GLIS1: variants seen among roughly 807,000 people sequenced by gnomAD.
GLIS1 encodes the protein GLIS family zinc finger 1, also known as zinc finger protein GLIS1.
GLIS1 carries 24 observed loss-of-function variants against 63.8 expected under a neutral mutation model. That is an observed-to-expected ratio of 0.38 (90% CI 0.27 to 0.53). The LOEUF (loss-of-function observed/expected upper bound fraction) is 0.53. GLIS1 is among the 20% of genes least tolerant of loss of function. The pLI is 0.85. For missense variants in GLIS1, 1,036 were observed against 1,074.1 expected, an observed-to-expected ratio of 0.96 and a Z score of 0.50; for synonymous variants, 450 against 482.5, an observed-to-expected ratio of 0.93 and a Z score of 0.88.
At chr1:53,585,047 A>C (rs1306049290) in intron 4 of GLIS1, among the ~76,000 whole-genome samples, 1 of 152,162 alleles carries the variant, frequency 6.6e-6, no homozygotes, top group Non-Finnish European at 1.5e-5. Flanking sequence ...TTTTTCCTTT[A>C]TTAGTTTAAA....
chr1:53,671,629 A>C (rs961537859), intron 2 of GLIS1, among the ~76,000 whole-genome samples: 7 of 152,276 alleles, frequency 4.6e-5, no homozygotes, highest in Non-Finnish European at 1.0e-4. Context: ...CACTAGAGGT[A>C]TTCAGGGACA....
At position 53,514,731 on chromosome 1, in the gene GLIS1, G is replaced by A. The variant is rs770453851; in HGVS notation, c.1777C>T (p.Leu593=). 10 of 1,612,028 alleles carry A rather than the reference G, an allele frequency of 6.2e-6. No homozygotes were observed. The Admixed American group carries it at 1.5e-4, about 24-fold the overall frequency. The change falls in exon 8 of 11, where the codon CTG becomes TTG. Residue 593 remains leucine, a synonymous_variant. Coordinates refer to ENST00000628545, the MANE Select transcript of GLIS1 (RefSeq NM_001367484.1). The stretch of plus-strand genomic sequence containing the variant: ...GAAGGTACGTCGTGCGCTGGGGGCA[G>A]GAGGCCCGATGCAAGTCCGTTATGG... ...TPHNGLASGL[L]PPAHDVPSRH... is the part of the protein sequence containing the mutation.
Position 53,609,266 on chromosome 1 carries a change from C to CTTTTTTTTTTTTTTT in GLIS1, c.260-9003_260-8989dup, listed in dbSNP as rs1221426769. Among the ~76,000 whole-genome samples, 3 of 81,378 alleles carry CTTTTTTTTTTTTTTT rather than the reference C, an allele frequency of 3.7e-5. 1 individual carries two copies. The highest frequency in any genetic ancestry group is 2.1e-5 in the Non-Finnish European group (1 of 47,566). The allele number at this position is 81,378 out of a possible 152,430, so 53.4% of individuals were successfully genotyped here. ...TATATTTGGGTATTTGGGTTTAAAT[C>CTTTTTTTTTTTTTTT]TTTTTTTTTTTTTTTTTTTTTTTTT... On this transcript the variant is annotated intron_variant, in intron 2 of 10. Transcript: ENST00000628545.
chr1:53,593,430 CGTGTGTGTGCACGCGTGCATGCAT>C (rs890792787), intron 4 of GLIS1, among the ~76,000 whole-genome samples: 5 of 152,222 alleles, frequency 3.3e-5, no homozygotes, highest in Admixed American at 1.3e-4. Flanking sequence ...TTAATATGCG[CGTGTGTGTGCACGCGTGCATGCAT>C]GTGTGTGTGC....
Position 53,739,140 on chromosome 1 carries a change from C to T in GLIS1, c.-78G>A, listed in dbSNP as rs1395833326. 1.3e-5 allele frequency among the ~76,000 whole-genome samples: 2 copies of T among 148,296 alleles called. No homozygotes were observed. Among genetic ancestry groups the T allele is most frequent in the South Asian group, 4.2e-4 (2 of 4,714 alleles). ...CAGCTGCAGATCGCTGGGCGCCCGG[C>T]TCGGCGCGCCTCCACTGGCGCAGCA... On this transcript the variant is annotated 5_prime_UTR_variant, in exon 1 of 11. Transcript: ENST00000628545.
At chr1:53,726,248 C>A (rs1189267680) in intron 2 of GLIS1, among the ~76,000 whole-genome samples, 1 of 151,980 alleles carries the variant, frequency 6.6e-6, no homozygotes, top group African/African-American at 2.4e-5. Flanking sequence ...GCGGGTAGGT[C>A]GGCAGCTAAC....
At chr1:53,721,617 G>A (rs964753063) in intron 2 of GLIS1, among the ~76,000 whole-genome samples, 6 of 152,332 alleles carry the variant, frequency 3.9e-5, no homozygotes, top group East Asian at 3.9e-4. Flanking sequence ...TCTGGAGTGC[G>A]ACAGAGGAGG....
chr1:53,582,014 C>A (rs1254956659), intron 4 of GLIS1, among the ~76,000 whole-genome samples: 1 of 152,152 alleles, frequency 6.6e-6, no homozygotes, highest in Non-Finnish European at 1.5e-5. Context: ...ATGACTTGCC[C>A]AGAACCACAG....
At chr1:53,608,953 G>A (rs375869629) in intron 2 of GLIS1, among the ~76,000 whole-genome samples, 1 of 152,306 alleles carries the variant, frequency 6.6e-6, no homozygotes, top group African/African-American at 2.4e-5. Flanking sequence ...AAGCCATCCT[G>A]TTCCCCTAAG....
chr1:53,586,822 C>G (rs145176754), intron 4 of GLIS1, among the ~76,000 whole-genome samples: 1 of 152,324 alleles, frequency 6.6e-6, no homozygotes, highest in African/African-American at 2.4e-5. Context: ...CGGGCAACCT[C>G]ACACAGCCTT....
At chr1:53,580,148 C>T (rs556040080) in intron 4 of GLIS1, among the ~76,000 whole-genome samples, 4 of 152,250 alleles carry the variant, frequency 2.6e-5, no homozygotes, top group African/African-American at 9.6e-5. Context: ...GAACCCCATG[C>T]CACCTCTTAC....
chr1:53,607,952 GTC>G (rs1352863963), intron 2 of GLIS1, among the ~76,000 whole-genome samples: 1 of 127,686 alleles, frequency 7.8e-6, no homozygotes, highest in Non-Finnish European at 1.6e-5. Context: ...GCTCTCTGAT[GTC>G]TCTCTTTTTT....
At chr1:53,545,815 G>A (rs559053257) in intron 4 of GLIS1, among the ~76,000 whole-genome samples, 2 of 152,338 alleles carry the variant, frequency 1.3e-5, no homozygotes, top group East Asian at 3.9e-4. Context: ...CTTGCCTAGT[G>A]CTACGTGTGC....
At chr1:53,517,373 C>G (rs1183869720) in intron 7 of GLIS1, among the ~76,000 whole-genome samples, 1 of 152,224 alleles carries the variant, frequency 6.6e-6, no homozygotes, top group Non-Finnish European at 1.5e-5. Context: ...ACCTCCCCAG[C>G]TTGGGGGAAG....
rs1352644093 is a variant in GLIS1 at position 53,539,777 on chromosome 1, G to A, written c.1321-9825C>T. ...GAAACTGGCCACCTGGAACATGGATGTGCGTGTGGGGTTCACTGAGGGGCT... is the reference window on the plus strand; with the variant it reads ...GAAACTGGCCACCTGGAACATGGATATGCGTGTGGGGTTCACTGAGGGGCT... On this transcript the variant is annotated intron_variant, in intron 4 of 10. Coordinates refer to ENST00000628545, the MANE Select transcript of GLIS1 (RefSeq NM_001367484.1). The surrounding 1 kb of genome is among the most constrained non-coding windows in gnomAD (Gnocchi z 5.0). 6.6e-6 allele frequency among the ~76,000 whole-genome samples: 1 copy of A among 152,164 alleles called. No individual in the cohort carries two copies. The highest frequency in any genetic ancestry group is 1.5e-5 in the Non-Finnish European group (1 of 68,040).
At chr1:53,562,256 G>A (rs1189695433) in intron 4 of GLIS1, among the ~76,000 whole-genome samples, 1 of 152,158 alleles carries the variant, frequency 6.6e-6, no homozygotes, top group East Asian at 1.9e-4. Context: ...CTACAGATGA[G>A]GTTCCTGCAC....
At chr1:53,668,990 T>C (rs2100389251) in intron 2 of GLIS1, among the ~76,000 whole-genome samples, 1 of 152,276 alleles carries the variant, frequency 6.6e-6, no homozygotes, top group South Asian at 2.1e-4. Flanking sequence ...TTCATACCCA[T>C]TGTCCCCTTT....
chr1:53,633,151 T>A (rs1243222967), intron 2 of GLIS1, among the ~76,000 whole-genome samples: 4 of 141,122 alleles, frequency 2.8e-5, no homozygotes, highest in South Asian at 2.3e-4. Flanking sequence ...CTGAGGGGCG[T>A]GTGTATGAGT....
At chr1:53,584,770 A>C (rs1645118857) in intron 4 of GLIS1, among the ~76,000 whole-genome samples, 1 of 152,196 alleles carries the variant, frequency 6.6e-6, no homozygotes, top group Non-Finnish European at 1.5e-5. Flanking sequence ...TACCTGGCCC[A>C]TCCCCCATTT....
Sources: gnomAD v4.1 joint callset for allele counts (sites outside exome capture counted in the v4.1 genomes callset) on GRCh38, gnomAD v4.1.1 for gene constraint, Gnocchi (gnomAD v3.1) non-coding constraint, MANE v1.5 for transcripts, NCBI Gene and HGNC (gene_info 2026-07-23, HGNC 2026-07-21) for gene names.